Variants in CERS3 observed in about 807,000 individuals in gnomAD.
CERS3 encodes the protein LAG1 homolog, ceramide synthase 3.
Under a neutral mutation model 50.3 loss-of-function variants are expected in CERS3, and 33 were observed. That is an observed-to-expected ratio of 0.66 (90% CI 0.50 to 0.88). CERS3 has a LOEUF of 0.88. Ranked by LOEUF, CERS3 falls within the 40% of genes least tolerant of loss-of-function variation. CERS3 has a pLI of 0.00. For missense variants in CERS3, 470 were observed against 460.3 expected (o/e 1.02, Z -0.19); for synonymous variants, 176 against 155.2 (o/e 1.13, Z -0.99).
chr15:100,514,344 T>C (rs1478419576), intron 2 of CERS3, among the ~76,000 whole-genome samples: 1 of 152,208 alleles, frequency 6.6e-6, no homozygotes, highest in Non-Finnish European at 1.5e-5. Context: ...GAAGAAGTTA[T>C]TTAAAAATAA....
chr15:100,499,116 T>C (rs796781811), intron 3 of CERS3, among the ~76,000 whole-genome samples: 6 of 152,310 alleles, frequency 3.9e-5, no homozygotes, highest in Admixed American at 1.3e-4. Context: ...GTGGAGAATC[T>C]ACTCGTGTAT....
In CERS3 at chr15:100,401,908, C is replaced by T. The variant is rs1191302855; in HGVS notation, c.*805G>A. Reference sequence around the variant, plus strand: ...TGAGGGAGAAGAATTCCAGGAGAATCTGAGAATGACCCTTGGGGAGCTAAT... The same window carrying T: ...TGAGGGAGAAGAATTCCAGGAGAATTTGAGAATGACCCTTGGGGAGCTAAT... On this transcript the variant is annotated 3_prime_UTR_variant, in exon 12 of 12. Coordinates refer to ENST00000679737, the MANE Select transcript of CERS3 (RefSeq NM_001378789.1). 2 of 152,258 alleles carry T rather than the reference C, an allele frequency of 1.3e-5. No homozygotes were observed. Among genetic ancestry groups the T allele is most frequent in the African/African-American group, 4.8e-5 (2 of 41,464 alleles). 9.4% of individuals were successfully genotyped at this position (152,258 alleles called of 1,614,324 possible).
intron 2 of CERS3, among the ~76,000 whole-genome samples, chr15:100,511,149 C>T (rs2898822): frequency 0.9 from 136,791 of 152,014 alleles, 61,961 homozygotes; most frequent in Non-Finnish European, 0.96. Flanking sequence ...ATTACCCGGG[C>T]GTGGTGGAAG....
intron 11 of CERS3, among the ~76,000 whole-genome samples, chr15:100,452,209 T>C (rs1228736494): frequency 2.6e-5 from 4 of 152,152 alleles, no homozygotes; most frequent in Admixed American, 1.3e-4. Flanking sequence ...TTCTCCAGGA[T>C]AGACCATATG....
intron 10 of CERS3, among the ~76,000 whole-genome samples, chr15:100,460,420 T>C (rs2034511628): frequency 6.6e-6 from 1 of 152,188 alleles, no homozygotes; most frequent in Non-Finnish European, 1.5e-5. Flanking sequence ...TACCTTCTGG[T>C]ACCCACATTT....
At chr15:100,433,817 T>A (rs996673388) in intron 11 of CERS3, among the ~76,000 whole-genome samples, 3 of 152,266 alleles carry the variant, frequency 2.0e-5, no homozygotes, top group African/African-American at 7.2e-5. Flanking sequence ...TGGGCAAAGC[T>A]TGCCTCAGGC....
At chr15:100,417,567 G>A (rs111362890) in intron 11 of CERS3, among the ~76,000 whole-genome samples, 1 of 152,062 alleles carries the variant, frequency 6.6e-6, no homozygotes, top group Admixed American at 6.5e-5. Flanking sequence ...CTCGAACTGG[G>A]TGGAGCCCAC....
chr15:100,532,761 T>G (rs2036969481), upstream of CERS3, among the ~76,000 whole-genome samples: 1 of 152,122 alleles, frequency 6.6e-6, no homozygotes, highest in Non-Finnish European at 1.5e-5. Context: ...CAAACTGCAT[T>G]CTTTAAAGAA....
At chr15:100,478,179 AAAAAT>A (rs1428923763) in intron 7 of CERS3, among the ~76,000 whole-genome samples, 3 of 152,338 alleles carry the variant, frequency 2.0e-5, no homozygotes, top group African/African-American at 7.2e-5. Context: ...GGATCCATTA[AAAAAT>A]AAAATAAAAA....
At chr15:100,455,454 G>C (rs915093983) in intron 11 of CERS3, among the ~76,000 whole-genome samples, 6 of 152,152 alleles carry the variant, frequency 3.9e-5, no homozygotes, top group African/African-American at 9.7e-5. Flanking sequence ...AGCTGGAAGA[G>C]AGGACTTGAA....
chr15:100,423,706 A>C (rs2032615750), intron 11 of CERS3, among the ~76,000 whole-genome samples: 4 of 152,124 alleles, frequency 2.6e-5, no homozygotes, highest in Admixed American at 2.6e-4. Flanking sequence ...AGCAACATGC[A>C]ATTTACCCAA....
At chr15:100,439,463 A>C (rs1166601356) in intron 11 of CERS3, among the ~76,000 whole-genome samples, 1 of 151,950 alleles carries the variant, frequency 6.6e-6, no homozygotes, top group Non-Finnish European at 1.5e-5. Context: ...GAATTGAAGG[A>C]ACAAACTCAC....
chr15:100,423,319 A>T (rs569729180), intron 11 of CERS3, among the ~76,000 whole-genome samples: 9 of 152,322 alleles, frequency 5.9e-5, no homozygotes, highest in African/African-American at 2.2e-4. Context: ...ATATGCACTC[A>T]TATGTTCATC....
At chr15:100,481,894 CT>C (rs2035311116) in intron 5 of CERS3, among the ~76,000 whole-genome samples, 1 of 152,178 alleles carries the variant, frequency 6.6e-6, no homozygotes, top group Non-Finnish European at 1.5e-5. Context: ...ACATTATTTG[CT>C]TTTTTTCCTG....
rs1198154626 is a variant in CERS3, at chr15:100,476,145, A to C, written c.550T>G (p.Leu184Val). Residue 184 changes from leucine (L) to valine (V), a missense_variant, in exon 8 of 12, where the codon TTA becomes GTA. Coordinates refer to ENST00000679737, the MANE Select transcript of CERS3 (RefSeq NM_001378789.1). ...AGAGACCAATAAAAACTCATTTCTA[A>C]AATGTAGTACCAGTACTGGGATGGC... ...LLPSQYWYYI[L>V]EMSFYWSLLF... The C allele has an allele frequency of 6.3e-7, 1 of 1,585,272 alleles. No homozygotes were observed. Among genetic ancestry groups the C allele is most frequent in the Admixed American group, 1.9e-5 (1 of 53,404 alleles).
At chr15:100,417,411 C>T (rs1478283155) in intron 11 of CERS3, among the ~76,000 whole-genome samples, 1 of 152,122 alleles carries the variant, frequency 6.6e-6, no homozygotes, top group Non-Finnish European at 1.5e-5. Flanking sequence ...TTATATCCCA[C>T]ACCTGGCTCT....
chr15:100,505,603 G>A (rs981788864), intron 2 of CERS3, among the ~76,000 whole-genome samples: 1 of 152,178 alleles, frequency 6.6e-6, no homozygotes, highest in African/African-American at 2.4e-5. Context: ...ACTCAAAAAT[G>A]AAAACAAAGC....
At chr15:100,538,204 G>T (rs1272122549) in intron 1 of CERS3, among the ~76,000 whole-genome samples, 1 of 152,164 alleles carries the variant, frequency 6.6e-6, no homozygotes, top group Non-Finnish European at 1.5e-5. Context: ...TTCACAGGCT[G>T]GCATTGAGTG....
At chr15:100,406,304 T>C (rs1361572300) in intron 11 of CERS3, among the ~76,000 whole-genome samples, 2 of 152,192 alleles carry the variant, frequency 1.3e-5, no homozygotes, top group African/African-American at 4.8e-5. Context: ...AGACTGTTTC[T>C]TCTCACATCA....
Sources: allele counts gnomAD v4.1 joint callset (sites outside exome capture counted in the v4.1 genomes callset), GRCh38; gene constraint gnomAD v4.1.1; transcripts MANE v1.5; gene names NCBI Gene and HGNC (gene_info 2026-07-23, HGNC 2026-07-21).